BMPR1B: variants seen among roughly 807,000 people sequenced by gnomAD.
BMPR1B encodes bone morphogenetic protein receptor type 1B, also known as bone morphogenetic protein receptor type-1B.
BMPR1B carries 12 observed loss-of-function variants against 59.1 expected under a neutral mutation model. The ratio of observed to expected loss-of-function variants is 0.20; its 90% CI spans 0.13 to 0.33. The LOEUF (loss-of-function observed/expected upper bound fraction) is 0.33, where lower values mean the gene tolerates loss of function less well. Among genes scored for constraint, BMPR1B ranks in the 10% least tolerant of loss-of-function variants. The pLI, the probability that BMPR1B is intolerant of heterozygous loss-of-function variation, is 1.00. For synonymous variants in BMPR1B, 237 were observed against 207.3 expected (o/e 1.14, Z -1.23); for missense variants, 550 against 610.9 (o/e 0.90, Z 1.05).
At chr4:94,765,869 C>T (rs1466755497) in intron 1 of BMPR1B, among the ~76,000 whole-genome samples, 1 of 152,184 alleles carries the variant, frequency 6.6e-6, no homozygotes, top group Non-Finnish European at 1.5e-5. Context: ...GCAGCATAGC[C>T]TCCTGGTTAA....
intron 10 of BMPR1B, among the ~76,000 whole-genome samples, chr4:95,143,640 C>T (rs11724729): frequency 0.038 from 5,845 of 152,250 alleles, 174 homozygotes; most frequent in Middle Eastern, 0.095. Flanking sequence ...TATATCATAC[C>T]ACTGTCATTC....
intron 2 of BMPR1B, among the ~76,000 whole-genome samples, chr4:94,893,033 A>C (rs1363459564): frequency 6.6e-6 from 1 of 152,066 alleles, no homozygotes; most frequent in Admixed American, 6.6e-5. Context: ...AGTTCAGTAC[A>C]TTTAAATTGT....
chr4:95,125,853 G>A (rs951128348), intron 8 of BMPR1B, among the ~76,000 whole-genome samples: 12 of 152,034 alleles, frequency 7.9e-5, no homozygotes, highest in African/African-American at 2.9e-4. Flanking sequence ...ACTGCTTGCA[G>A]GTCTTCTTTC....
intron 3 of BMPR1B, among the ~76,000 whole-genome samples, chr4:95,053,411 T>G (rs1239999388): frequency 6.6e-6 from 1 of 151,990 alleles, no homozygotes; most frequent in Non-Finnish European, 1.5e-5. Context: ...GTTTTTAATC[T>G]TAGCTCTGCC....
intron 1 of BMPR1B, among the ~76,000 whole-genome samples, chr4:94,851,340 A>G (rs1220257364): frequency 6.6e-6 from 1 of 152,172 alleles, no homozygotes; most frequent in African/African-American, 2.4e-5. Context: ...AACTTGCTGG[A>G]CTTTGGAATT....
chr4:94,868,886 C>T (rs1211670301), intron 1 of BMPR1B, among the ~76,000 whole-genome samples: 1 of 152,092 alleles, frequency 6.6e-6, no homozygotes, highest in Non-Finnish European at 1.5e-5. Flanking sequence ...AATGTTGTAG[C>T]TTAATTTCTT....
intron 3 of BMPR1B, among the ~76,000 whole-genome samples, chr4:95,055,390 C>T (rs540383669): frequency 7.2e-5 from 11 of 152,116 alleles, no homozygotes; most frequent in East Asian, 3.9e-4. Flanking sequence ...TATTGCTATG[C>T]GGCATCAGTT....
At chr4:94,789,240 A>G (rs1347094686) in intron 1 of BMPR1B, among the ~76,000 whole-genome samples, 1 of 152,154 alleles carries the variant, frequency 6.6e-6, no homozygotes, top group Non-Finnish European at 1.5e-5. Context: ...GCACCCACTT[A>G]CCGAGTTTTT....
chr4:95,014,782 C>A (rs1359593142), intron 3 of BMPR1B, among the ~76,000 whole-genome samples: 10 of 152,134 alleles, frequency 6.6e-5, no homozygotes, highest in Admixed American at 6.6e-4. Context: ...CTACCAAGGT[C>A]CTGATTTCAA....
In BMPR1B at chr4:95,130,152, C is replaced by A. The variant is rs892738370; in HGVS notation, c.778+98C>A. ...TTAACTCATCTGTCTAGACCCGTTGCGAAATGTATTGAAGTTTTCTTCTTG... is the reference window on the plus strand; with the variant it reads ...TTAACTCATCTGTCTAGACCCGTTGAGAAATGTATTGAAGTTTTCTTCTTG... On this transcript the variant is annotated intron_variant, in intron 9 of 12. Transcript: ENST00000515059. The A allele has an allele frequency of 1.1e-5, 15 of 1,423,914 alleles. No individual in the cohort carries two copies. The Admixed American group carries it at 1.6e-4, about 15-fold the overall frequency. 88.2% of individuals were successfully genotyped at this position (1,423,914 alleles called of 1,614,324 possible).
At position 95,154,691 on chromosome 4, in the gene BMPR1B, G is replaced by A. The variant is rs752775295; in HGVS notation, c.*18G>A. On this transcript the variant is annotated 3_prime_UTR_variant, in exon 13 of 13. Transcript: ENST00000515059. ...AACTCTGATAGGAGAGGAAAAGTAA[G>A]CATCTCTGCAGAAAGCCAACAGGTA... 4 of 1,613,804 alleles carry A rather than the reference G, an allele frequency of 2.5e-6. No homozygotes were observed. Among genetic ancestry groups the A allele is most frequent in the Non-Finnish European group, 3.4e-6 (4 of 1,179,802 alleles).
intron 3 of BMPR1B, among the ~76,000 whole-genome samples, chr4:95,101,982 T>C (rs1207675588): frequency 6.6e-6 from 1 of 152,186 alleles, no homozygotes; most frequent in East Asian, 1.9e-4. Flanking sequence ...GAATACCCTG[T>C]AAGTAAAACC....
intron 2 of BMPR1B, among the ~76,000 whole-genome samples, chr4:94,883,177 G>A (rs1255863457): frequency 6.6e-6 from 1 of 152,068 alleles, no homozygotes; most frequent in Admixed American, 6.6e-5. Context: ...TGTATCAGCT[G>A]GATTCTAGTC....
In BMPR1B at chr4:95,061,204, CACACACCA is replaced by C. The variant is rs1459612657; in HGVS notation, c.-17-43203_-17-43196del. 4.3e-3 allele frequency among the ~76,000 whole-genome samples: 527 copies of C among 121,682 alleles called. 10 individuals are homozygous for C. Among genetic ancestry groups the C allele is most frequent in the Middle Eastern group, 7.8e-3 (2 of 258 alleles). 79.8% of individuals were successfully genotyped at this position (121,682 alleles called of 152,430 possible). A position where few individuals can be genotyped will look rare whatever the true frequency, so the allele number is the denominator to read the frequency against. Reference sequence around the variant, plus strand: ...ACACACACACACACACACACACACACACACACCACACACCCCTCCATTGAATATACATA... The same window carrying C: ...ACACACACACACACACACACACACACCACACCCCTCCATTGAATATACATA... On this transcript the variant is annotated intron_variant, in intron 3 of 12. Transcript: ENST00000515059.
intron 10 of BMPR1B, among the ~76,000 whole-genome samples, chr4:95,144,784 AAAG>A (rs1284426606): frequency 1.3e-5 from 2 of 152,224 alleles, no homozygotes; most frequent in African/African-American, 4.8e-5. Flanking sequence ...TCTCCATGGG[AAAG>A]AAGAAGAGAG....
At chr4:94,782,098 T>C (rs996226202) in intron 1 of BMPR1B, among the ~76,000 whole-genome samples, 26 of 152,006 alleles carry the variant, frequency 1.7e-4, no homozygotes, top group Admixed American at 3.9e-4. Flanking sequence ...CTTTTTTTTT[T>C]CTCCTCTTTT....
At chr4:94,948,136 C>T (rs1729788876) in intron 2 of BMPR1B, among the ~76,000 whole-genome samples, 1 of 152,190 alleles carries the variant, frequency 6.6e-6, no homozygotes, top group South Asian at 2.1e-4. Context: ...AACCTCTGTC[C>T]TTAGCTTCTT....
chr4:94,999,800 G>T (rs768169056), intron 3 of BMPR1B, among the ~76,000 whole-genome samples: 3 of 152,152 alleles, frequency 2.0e-5, no homozygotes, highest in Non-Finnish European at 4.4e-5. Context: ...CTGGGGCAGA[G>T]ATAGTTCGGG....
intron 3 of BMPR1B, among the ~76,000 whole-genome samples, chr4:95,098,871 C>T (rs934781220): frequency 5.3e-5 from 8 of 152,212 alleles, no homozygotes; most frequent in Admixed American, 1.3e-4. Context: ...TGCCCGCTAC[C>T]ATGCCCGACT....
Sources: gnomAD v4.1 joint callset for allele counts (sites outside exome capture counted in the v4.1 genomes callset) on GRCh38, gnomAD v4.1.1 for gene constraint, MANE v1.5 for transcripts, NCBI Gene and HGNC (gene_info 2026-07-23, HGNC 2026-07-21) for gene names.